Variants in CCDC120 observed in about 807,000 individuals in gnomAD.
CCDC120 encodes the protein coiled-coil domain-containing protein 120.
Under a neutral mutation model 37.6 loss-of-function variants are expected in CCDC120, and 16 were observed. The ratio of observed to expected loss-of-function variants is 0.43; its 90% CI spans 0.29 to 0.65. The LOEUF is 0.65. CCDC120 is among the 30% of genes least tolerant of loss of function. The pLI, the probability that CCDC120 is intolerant of heterozygous loss-of-function variation, is 0.18. For synonymous variants in CCDC120, 309 were observed against 275.4 expected, an observed-to-expected ratio of 1.12 and a Z score of -1.21; for missense variants, 650 against 657.4, an observed-to-expected ratio of 0.99 and a Z score of 0.12.
Position 49,068,894 on chromosome X carries a change from T to C in CCDC120, c.*236T>C. 3.6e-6 allele frequency: 1 copy of C among 280,400 alleles called. No homozygotes were observed. Among genetic ancestry groups the C allele is most frequent in the Non-Finnish European group, 6.2e-6 (1 of 160,523 alleles). 23.1% of individuals were successfully genotyped at this position (280,400 alleles called of 1,213,427 possible). A position where few individuals can be genotyped will look rare whatever the true frequency, so the allele number is the denominator to read the frequency against. On this transcript the variant is annotated 3_prime_UTR_variant, in exon 11 of 11. Coordinates refer to ENST00000603986, the MANE Select transcript of CCDC120 (RefSeq NM_001163321.4). ...AGCTAGCTTAAAAGAGGGGGGATGATGTCATGGGGACCCCAAGCCCCTTCC... is the reference window on the plus strand; with the variant it reads ...AGCTAGCTTAAAAGAGGGGGGATGACGTCATGGGGACCCCAAGCCCCTTCC...
chrX:49,062,718 T>G, intron 4 of CCDC120, 117 bp downstream of exon 4: 1 of 758,932 alleles, frequency 1.3e-6, no homozygotes, highest in Non-Finnish European at 1.9e-6. Context: ...TGGCTGTAGA[T>G]TCCCTGTCAC....
rs782021407 is a variant in CCDC120 at position 49,067,862 on chromosome X, G to A, written c.1748G>A (p.Arg583His). Reference sequence around the variant, plus strand: ...ACCCGTATCCCCTCGGCTGGTGAACGCAGTGGCCACAAGAACCTGGCTCTG... The same window carrying A: ...ACCCGTATCCCCTCGGCTGGTGAACACAGTGGCCACAAGAACCTGGCTCTG... ...PPTRIPSAGE[R>H]SGHKNLALEG... Residue 583 changes from arginine (R) to histidine (H), a missense_variant, in exon 10 of 11, where the codon CGC becomes CAC. Arg to His is a conservative substitution (Grantham distance 29). Around this residue, in one of 3 missense-constraint regions of CCDC120, gnomAD observed 576 missense variants for 565.3 expected, o/e 1.02. Transcript: ENST00000603986. 6 of 1,161,203 alleles carry A rather than the reference G, an allele frequency of 5.2e-6. No homozygotes were observed. Among genetic ancestry groups the A allele is most frequent in the Admixed American group, 2.5e-5 (1 of 39,771 alleles).
upstream of CCDC120, among the ~76,000 whole-genome samples, chrX:49,056,326 C>G (rs2064829870): frequency 9.0e-6 from 1 of 110,527 alleles, no homozygotes; most frequent in African/African-American, 3.3e-5. Flanking sequence ...GATACCAGTT[C>G]TGTCTCAAAA....
chrX:49,060,965 C>T (rs987852407), intron 1 of CCDC120, among the ~76,000 whole-genome samples: 2 of 111,371 alleles, frequency 1.8e-5, no homozygotes, highest in Admixed American at 9.5e-5. Flanking sequence ...AGCTCTGTGG[C>T]CCCATAAAGC....
rs1557082162 is a variant in CCDC120, at chrX:49,068,072, C to T, written c.1958C>T (p.Ala653Val). The T allele has an allele frequency of 6.0e-6, 7 of 1,166,543 alleles. No individual in the cohort carries two copies. The highest frequency in any genetic ancestry group is 1.9e-5 in the South Asian group (1 of 52,640). The change falls in exon 10 of 11, where the codon GCG becomes GTG. Residue 653 changes from alanine (A) to valine (V), a missense_variant. This residue lies in a region of CCDC120 where 576 missense variants were observed against 565.3 expected (regional missense o/e 1.02). Coordinates refer to ENST00000603986, the MANE Select transcript of CCDC120 (RefSeq NM_001163321.4). ...CTCCCACACTCGAGGAGTTTCACGG[C>T]GCCCCCTGTCTCTGGCAGGTATGGG... ...APLPHSRSFT[A>V]PPVSGRYYAD...
At chrX:49,060,803 G>A (rs1357531338) in intron 1 of CCDC120, among the ~76,000 whole-genome samples, 1 of 112,104 alleles carries the variant, frequency 8.9e-6, no homozygotes, top group African/African-American at 3.2e-5. Context: ...GGACTGCAGA[G>A]AAACATGACA....
At chrX:49,059,237 T>TGGGG in intron 1 of CCDC120, 142 bp downstream of exon 1, 2 of 380,205 alleles carry the variant, frequency 5.3e-6, no homozygotes, top group Non-Finnish European at 6.3e-6. Flanking sequence ...AGGGTGGTGG[T>TGGGG]GGGGGGGTAG....
At position 49,067,548 on chromosome X, in the gene CCDC120, C is replaced by A; in HGVS notation, c.1434C>A (p.Phe478Leu). 2 of 1,166,929 alleles carry A rather than the reference C, an allele frequency of 1.7e-6. No individual in the cohort carries two copies. The highest frequency in any genetic ancestry group is 2.3e-6 in the Non-Finnish European group (2 of 870,924). ...APRLPPVCGDFLLDYSLDRGL... is the reference protein window; with the variant it reads ...APRLPPVCGDLLLDYSLDRGL... The stretch of plus-strand genomic sequence containing the variant: ...GGCTCCCACCTGTGTGTGGAGACTT[C>A]CTCTTGGACTATTCCTTGGACCGGG... The change falls in exon 10 of 11, where the codon TTC (phenylalanine) becomes TTA (leucine). Residue 478 changes from phenylalanine (F) to leucine (L), a missense_variant. By Grantham distance (22) the Phe-to-Leu change is conservative. Around this residue, in one of 3 missense-constraint regions of CCDC120, gnomAD observed 576 missense variants for 565.3 expected, o/e 1.02. Transcript: ENST00000603986.
chrX:49,054,032 C>T (rs925608655), upstream of CCDC120, among the ~76,000 whole-genome samples: 12 of 112,331 alleles, frequency 1.1e-4, no homozygotes, highest in African/African-American at 3.9e-4. Context: ...CTTTTTTAAA[C>T]CTCAACCCCT....
chrX:49,064,670 C>T lies in CCDC120; in HGVS notation c.724+6C>T. ...TCTTGCTCAGCTCAGCCAAGGTGAGCATCCCCTGGTGAGGGTGGGAGAGTG... is the reference window on the plus strand; with the variant it reads ...TCTTGCTCAGCTCAGCCAAGGTGAGTATCCCCTGGTGAGGGTGGGAGAGTG... On this transcript the variant is annotated splice_donor_region_variant and intron_variant, in intron 6 of 10. Transcript: ENST00000603986. The T allele has an allele frequency of 2.6e-6, 3 of 1,172,382 alleles. No individual in the cohort carries two copies. The highest frequency in any genetic ancestry group is 3.4e-6 in the Non-Finnish European group (3 of 871,931).
chrX:49,057,445 A>G (rs1344592958), upstream of CCDC120, among the ~76,000 whole-genome samples: 1 of 112,123 alleles, frequency 8.9e-6, no homozygotes, highest in Non-Finnish European at 1.9e-5. Context: ...TGATTTTATT[A>G]CTGTCTCACT....
In CCDC120 at chrX:49,068,795, G is replaced by C; in HGVS notation, c.*137G>C. On this transcript the variant is annotated 3_prime_UTR_variant, in exon 11 of 11. Transcript: ENST00000603986. ...CCAACCTAATCTTCCAAGGCCCCTG[G>C]CTCCCCGTAGGCCCAGGAAGGTGTC... The C allele has an allele frequency of 1.7e-6, 1 of 588,228 alleles. No individual in the cohort carries two copies. The highest frequency in any genetic ancestry group is 2.3e-6 in the Non-Finnish European group (1 of 431,437). The allele number at this position is 588,228 out of a possible 1,213,427, so 48.5% of individuals were successfully genotyped here.
chrX:49,064,291 T>C (rs1471743750), intron 5 of CCDC120, 79 bp from the exon 6 acceptor site: 2 of 1,026,824 alleles, frequency 1.9e-6, no homozygotes, highest in African/African-American at 3.9e-5. Flanking sequence ...CTGCAGGAAG[T>C]GCAGGCCAGC....
In CCDC120 at chrX:49,059,319, A is replaced by G. The variant is rs782095032; in HGVS notation, c.-84+224A>G. ...ACACCAATTTCCTTTCCTGGCACCAAGCCGATTCCCGGCCGGAAATGGACG... is the reference window on the plus strand; with the variant it reads ...ACACCAATTTCCTTTCCTGGCACCAGGCCGATTCCCGGCCGGAAATGGACG... On this transcript the variant is annotated intron_variant, in intron 1 of 10. Coordinates refer to ENST00000603986, the MANE Select transcript of CCDC120 (RefSeq NM_001163321.4). The G allele has an allele frequency of 4.0e-5, 30 of 752,668 alleles. No homozygotes were observed. In the African/African-American group the frequency reaches 6.2e-4, roughly 16 times the overall value. 62.0% of individuals were successfully genotyped at this position (752,668 alleles called of 1,213,427 possible).
intron 1 of CCDC120, among the ~76,000 whole-genome samples, chrX:49,061,255 G>C (rs1352345910): frequency 1.2e-4 from 14 of 112,111 alleles, no homozygotes; most frequent in African/African-American, 4.5e-4. Flanking sequence ...TGGCAAGAGG[G>C]GCTGGAGGGA....
chrX:49,058,441 C>T (rs782373357), upstream of CCDC120, among the ~76,000 whole-genome samples: 1 of 112,429 alleles, frequency 8.9e-6, no homozygotes, highest in Admixed American at 9.4e-5. Context: ...GTAGGGGCCT[C>T]AGAATGTGAT....
At position 49,062,536 on chromosome X, in the gene CCDC120, C is replaced by T. The variant is rs1557079801; in HGVS notation, c.223C>T (p.Arg75Trp). Reference protein sequence around the residue: ...ERLRGLLDRQRTLQEALSLKL... With the variant: ...ERLRGLLDRQWTLQEALSLKL... ...TCTGCGGGGGCTGCTTGACCGGCAG[C>T]GGACCCTGCAGGAGGCCCTGAGCCT... The change falls in exon 4 of 11, where the codon CGG becomes TGG. Residue 75 changes from arginine to tryptophan, a missense_variant. Coordinates refer to ENST00000603986, the MANE Select transcript of CCDC120 (RefSeq NM_001163321.4). 3.3e-6 allele frequency: 4 copies of T among 1,211,110 alleles called. No homozygotes were observed. In the South Asian group the frequency reaches 5.3e-5, roughly 16 times the overall value.
rs200062604 is a variant in CCDC120, at chrX:49,067,195, C to T, written c.1081C>T (p.Arg361Cys). The change falls in exon 10 of 11, where the codon CGT (arginine) becomes TGT (cysteine). Residue 361 changes from arginine (R) to cysteine (C), a missense_variant. Coordinates refer to ENST00000603986, the MANE Select transcript of CCDC120 (RefSeq NM_001163321.4). ...QLCKPEGLHS[R>C]QWSGSQDSQM... ...CCCCAGACCTGAAGGCCTTCATTCT[C>T]GTCAGTGGTCCGGCAGCCAGGACTC... is the stretch of plus-strand genomic sequence containing the variant. 195 of 1,208,826 alleles carry T rather than the reference C, an allele frequency of 1.6e-4. No individual in the cohort carries two copies. Among genetic ancestry groups the T allele is most frequent in the Middle Eastern group, 2.3e-4 (1 of 4,289 alleles).
Position 49,065,598 on chromosome X carries a change from G to A in CCDC120, c.932G>A (p.Ser311Asn), listed in dbSNP as rs782660133. Residue 311 changes from serine to asparagine, a missense_variant, in exon 8 of 11, where the codon AGC (serine) becomes AAC (asparagine). Coordinates refer to ENST00000603986, the MANE Select transcript of CCDC120 (RefSeq NM_001163321.4). Reference sequence around the variant, plus strand: ...TCAGATCTTTATGGGGATCTGAAGAGCCGGCGGAACTCTGTGGCCAGCCCC... The same window carrying A: ...TCAGATCTTTATGGGGATCTGAAGAACCGGCGGAACTCTGTGGCCAGCCCC... ...PPSDLYGDLKSRRNSVASPTS... is the reference protein window; with the variant it reads ...PPSDLYGDLKNRRNSVASPTS... 64 of 1,208,080 alleles carry A rather than the reference G, an allele frequency of 5.3e-5. 1 individual carries two copies. The South Asian group carries it at 1.1e-3, about 21-fold the overall frequency.
Sources: allele counts gnomAD v4.1 joint callset (sites outside exome capture counted in the v4.1 genomes callset), GRCh38; gene constraint gnomAD v4.1.1; regional missense constraint gnomAD v4.1.1; transcripts MANE v1.5; gene names NCBI Gene and HGNC (gene_info 2026-07-23, HGNC 2026-07-21).